ITK: variants seen among roughly 807,000 people sequenced by gnomAD.
ITK encodes tyrosine-protein kinase ITK/TSK.
A neutral mutation model predicts 87.6 loss-of-function variants in ITK; 45 were observed. That is an observed-to-expected ratio of 0.51 (90% CI 0.40 to 0.66). ITK has a LOEUF of 0.66. Ranked by LOEUF, ITK falls within the 30% of genes least tolerant of loss-of-function variation. The pLI is 0.00. For synonymous variants in ITK, 303 were observed against 273.6 expected, an observed-to-expected ratio of 1.11 and a Z score of -1.06; for missense variants, 605 against 766.3, an observed-to-expected ratio of 0.79 and a Z score of 2.48.
chr5:157,188,662 A>G (rs145826016), intron 1 of ITK, among the ~76,000 whole-genome samples: 130 of 152,224 alleles, frequency 8.5e-4, no homozygotes, highest in African/African-American at 3.0e-3. Context: ...TTGCTCTGTT[A>G]CCCAGGCTAG....
chr5:157,208,732 A>G (rs915765356), intron 1 of ITK, among the ~76,000 whole-genome samples, 157 bp from the exon 2 acceptor site: 6 of 152,148 alleles, frequency 3.9e-5, no homozygotes, highest in Non-Finnish European at 7.3e-5. Context: ...TTTATCCCAC[A>G]CTTAGGGCCA....
chr5:157,221,311 A>T (rs1232673757), intron 5 of ITK, among the ~76,000 whole-genome samples: 3 of 152,148 alleles, frequency 2.0e-5, no homozygotes, highest in Non-Finnish European at 4.4e-5. Flanking sequence ...AACTCTTAGT[A>T]AACTTCTGAA....
chr5:157,233,542 G>A (rs1754701053), intron 8 of ITK, among the ~76,000 whole-genome samples: 2 of 152,124 alleles, frequency 1.3e-5, no homozygotes, highest in African/African-American at 2.4e-5. Flanking sequence ...CAGATTCCCA[G>A]GTCCCACCCC....
At chr5:157,203,183 T>A (rs1212953041) in intron 1 of ITK, among the ~76,000 whole-genome samples, 2 of 152,236 alleles carry the variant, frequency 1.3e-5, no homozygotes, top group Non-Finnish European at 2.9e-5. Flanking sequence ...TTGTTTTGTC[T>A]GCCTTCCCAA....
chr5:157,213,527 G>T (rs557123255), intron 3 of ITK: 71 of 442,036 alleles, frequency 1.6e-4, no homozygotes, highest in Non-Finnish European at 3.1e-4. Context: ...ACAGGTGCAT[G>T]ACACCATGCC....
rs184042758 is a variant in ITK at position 157,225,811 on chromosome 5, A to G, written c.648-2485A>G. Among the ~76,000 whole-genome samples, 391 of 152,338 alleles carry G rather than the reference A, an allele frequency of 2.6e-3. 7 individuals are homozygous for G. Among genetic ancestry groups the G allele is most frequent in the Admixed American group, 0.024 (360 of 15,304 alleles). ...AGGTTCAAGACTGTCTACAGGGTCT[A>G]CAAACACCGAAGGGACCTAGAAATT... On this transcript the variant is annotated intron_variant, in intron 6 of 16. Coordinates refer to ENST00000422843, the MANE Select transcript of ITK (RefSeq NM_005546.4).
intron 15 of ITK, among the ~76,000 whole-genome samples, chr5:157,248,519 A>G (rs549277792): frequency 5.9e-5 from 9 of 152,020 alleles, no homozygotes; most frequent in South Asian, 2.1e-4. Context: ...ATTTTCCACA[A>G]TCCTCCCCAA....
intron 9 of ITK, among the ~76,000 whole-genome samples, chr5:157,239,352 G>A (rs919410209): frequency 2.6e-5 from 4 of 152,138 alleles, no homozygotes; most frequent in Admixed American, 6.6e-5. Context: ...GCTTAATTCC[G>A]CCAGCAACAA....
chr5:157,193,849 C>T (rs1399198045), intron 1 of ITK, among the ~76,000 whole-genome samples: 1 of 152,066 alleles, frequency 6.6e-6, no homozygotes, highest in Non-Finnish European at 1.5e-5. Context: ...ACCCGAAAGA[C>T]AGCAGAAACA....
chr5:157,254,935 T>A lies in ITK; in HGVS notation c.*2257T>A. On this transcript the variant is annotated 3_prime_UTR_variant, in exon 17 of 17. Coordinates refer to ENST00000422843, the MANE Select transcript of ITK (RefSeq NM_005546.4). Reference sequence around the variant, plus strand: ...TTCTCTTCTCACATTTTTTAAATGGTCCCCTGTGTTTGTAGAGAACTCCCT... The same window carrying A: ...TTCTCTTCTCACATTTTTTAAATGGACCCCTGTGTTTGTAGAGAACTCCCT... The A allele has an allele frequency of 9.3e-6, 2 of 214,806 alleles. No homozygotes were observed. Among genetic ancestry groups the A allele is most frequent in the Non-Finnish European group, 1.9e-5 (2 of 106,412 alleles). The allele number at this position is 214,806 out of a possible 1,614,324, so 13.3% of individuals were successfully genotyped here. A position where few individuals can be genotyped will look rare whatever the true frequency, so the allele number is the denominator to read the frequency against.
Position 157,253,622 on chromosome 5 carries a change from C to G in ITK, c.*944C>G, listed in dbSNP as rs370820165. The G allele has an allele frequency of 4.4e-6, 1 of 228,052 alleles. No homozygotes were observed. The highest frequency in any genetic ancestry group is 2.2e-5 in the African/African-American group (1 of 45,046). 14.1% of individuals were successfully genotyped at this position (228,052 alleles called of 1,614,324 possible). On this transcript the variant is annotated 3_prime_UTR_variant, in exon 17 of 17. Coordinates refer to ENST00000422843, the MANE Select transcript of ITK (RefSeq NM_005546.4). The stretch of plus-strand genomic sequence containing the variant: ...TTTCCAGCCTCTGGGAATCAGCCCC[C>G]CCTCTCTGCACTATCCGATCCTCAT...
intron 1 of ITK, among the ~76,000 whole-genome samples, chr5:157,192,606 A>G (rs1043159221): frequency 6.6e-6 from 1 of 152,256 alleles, no homozygotes; most frequent in African/African-American, 2.4e-5. Flanking sequence ...CAGCTGATCA[A>G]TGCTTTTTCA....
In ITK at chr5:157,201,300, C is replaced by CTTTTT. The variant is rs34626223; in HGVS notation, c.139-7575_139-7571dup. ...TTTGGGAACAAGACATAAATTTCCA[C>CTTTTT]TTTTTTTTTTTTTTTTTTATGGAGT... On this transcript the variant is annotated intron_variant, in intron 1 of 16. Transcript: ENST00000422843. Among the ~76,000 whole-genome samples, 12 of 128,504 alleles carry CTTTTT rather than the reference C, an allele frequency of 9.3e-5. 1 individual carries two copies. The highest frequency in any genetic ancestry group is 9.5e-5 in the Non-Finnish European group (6 of 62,880). 84.3% of individuals were successfully genotyped at this position (128,504 alleles called of 152,430 possible).
chr5:157,195,469 A>G (rs1753833417), intron 1 of ITK: 1 of 152,242 alleles, frequency 6.6e-6, no homozygotes, highest in African/African-American at 2.4e-5. Context: ...ATACATTCAC[A>G]TAATTTTATT....
intron 3 of ITK, chr5:157,213,702 G>A (rs1561654220): frequency 2.8e-6 from 1 of 357,046 alleles, no homozygotes; most frequent in African/African-American, 2.1e-5. Flanking sequence ...CCTTATGTAT[G>A]TATTTGTTTC....
chr5:157,238,002 A>G, intron 8 of ITK, 107 bp from the exon 9 acceptor site: 1 of 788,094 alleles, frequency 1.3e-6, no homozygotes, highest in South Asian at 1.4e-5. Flanking sequence ...GCTCTATGCC[A>G]AGTGGGCCTA....
chr5:157,246,670 G>A (rs1004667239), intron 15 of ITK, among the ~76,000 whole-genome samples: 1 of 152,112 alleles, frequency 6.6e-6, no homozygotes, highest in African/African-American at 2.4e-5. Flanking sequence ...GAATAGTGTG[G>A]TGTGGGAAGG....
rs1755169291 is a variant in ITK, at chr5:157,252,789, C to T, written c.*111C>T. The T allele has an allele frequency of 3.5e-6, 3 of 852,416 alleles. No individual in the cohort carries two copies. Among genetic ancestry groups the T allele is most frequent in the Non-Finnish European group, 4.0e-6 (2 of 499,884 alleles). The allele number at this position is 852,416 out of a possible 1,614,324, so 52.8% of individuals were successfully genotyped here. ...CCAGCCCAGGACCCTCCAGAGGCAG[C>T]CTGGCCTGTGGCATCAGTCCCTGAG... On this transcript the variant is annotated 3_prime_UTR_variant, in exon 17 of 17. Transcript: ENST00000422843.
chr5:157,211,821 A>G (rs892670861), intron 3 of ITK, among the ~76,000 whole-genome samples: 1 of 152,148 alleles, frequency 6.6e-6, no homozygotes, highest in African/African-American at 2.4e-5. Context: ...CGAGTTCCTT[A>G]ATTGCCTGTG....
Sources: allele counts gnomAD v4.1 joint callset (sites outside exome capture counted in the v4.1 genomes callset), GRCh38; gene constraint gnomAD v4.1.1; transcripts MANE v1.5; gene names NCBI Gene and HGNC (gene_info 2026-07-23, HGNC 2026-07-21).